The following ZXDC variants were observed in gnomAD, a reference collection of about 807,000 sequenced individuals.
ZXDC encodes the protein zinc finger protein ZXDC.
A neutral mutation model predicts 63.6 loss-of-function variants in ZXDC; 58 were observed. That is an observed-to-expected ratio of 0.91 (90% CI 0.74 to 1.13). The LOEUF (loss-of-function observed/expected upper bound fraction) is 1.13, where lower values mean the gene tolerates loss of function less well. Ranked by LOEUF, ZXDC falls within the 50% of genes most tolerant of loss-of-function variation. ZXDC has a pLI of 0.00. For missense variants in ZXDC, 1,133 were observed against 1,148.9 expected (o/e 0.99, Z 0.20); for synonymous variants, 561 against 496.1 (o/e 1.13, Z -1.74).
Position 126,466,135 on chromosome 3 carries a change from G to C in ZXDC, c.1441+20C>G, listed in dbSNP as rs1293115946. On this transcript the variant is annotated intron_variant, in intron 5 of 9. Coordinates refer to ENST00000389709, the MANE Select transcript of ZXDC (RefSeq NM_025112.5). The stretch of plus-strand genomic sequence containing the variant: ...CTCACAGGGAAGCAGCTCCCCATGG[G>C]GGCCGTGGAAAGTGCAGACCTTGGC... 6.2e-7 allele frequency: 1 copy of C among 1,601,002 alleles called. No individual in the cohort carries two copies. Among genetic ancestry groups the C allele is most frequent in the African/African-American group, 1.3e-5 (1 of 74,296 alleles).
At chr3:126,441,218 C>G in intron 8 of ZXDC, 1 of 985,906 alleles carries the variant, frequency 1.0e-6, no homozygotes, top group African/African-American at 1.7e-5. Flanking sequence ...GTGGCCCGGA[C>G]AGGCTGGGAG....
intron 8 of ZXDC, 170 bp downstream of exon 8, chr3:126,441,595 G>C: frequency 7.4e-7 from 1 of 1,347,634 alleles, no homozygotes; most frequent in South Asian, 2.1e-5. Context: ...GGGAGGAGCT[G>C]GGCTGTGAGG....
At chr3:126,438,536 G>T in intron 9 of ZXDC, 75 bp from the exon 10 acceptor site, 1 of 1,391,272 alleles carries the variant, frequency 7.2e-7, no homozygotes, top group Non-Finnish European at 1.0e-6. Context: ...CACACAGCAG[G>T]ACACTGACCA....
rs1223505555 is a variant in ZXDC, at chr3:126,459,191, A to G, written c.2212+462T>C. 4.1e-6 allele frequency: 4 copies of G among 985,418 alleles called. No homozygotes were observed. In the South Asian group the frequency reaches 1.9e-4, roughly 46 times the overall value. 61.0% of individuals were successfully genotyped at this position (985,418 alleles called of 1,614,324 possible). The stretch of plus-strand genomic sequence containing the variant: ...TTAAAAATGCAAGTAAGTTGCTAAC[A>G]TTTTCAAATAAGATTTCAACATAAC... On this transcript the variant is annotated intron_variant, in intron 7 of 9. Transcript: ENST00000389709.
chr3:126,460,795 C>T lies in ZXDC; in HGVS notation c.2127+740G>A, dbSNP rs569800571. The T allele has an allele frequency of 1.4e-5, 14 of 985,166 alleles. No homozygotes were observed. In the South Asian group the frequency reaches 6.6e-4, roughly 46 times the overall value. 61.0% of individuals were successfully genotyped at this position (985,166 alleles called of 1,614,324 possible). A position where few individuals can be genotyped will look rare whatever the true frequency, so the allele number is the denominator to read the frequency against. On this transcript the variant is annotated intron_variant, in intron 6 of 9. Transcript: ENST00000389709. ...GCTACTATGTGCCTCACAACTGATC[C>T]TACTGCAAAAGATGTAACATTTTTT... is the stretch of plus-strand genomic sequence containing the variant.
At chr3:126,460,666 C>A in intron 6 of ZXDC, 5 of 985,370 alleles carry the variant, frequency 5.1e-6, no homozygotes, top group South Asian at 4.7e-5. Context: ...CAAATGCCGG[C>A]AAGCATGGCT....
chr3:126,446,756 A>G (rs924613725), intron 7 of ZXDC, among the ~76,000 whole-genome samples: 9 of 152,386 alleles, frequency 5.9e-5, no homozygotes, highest in Admixed American at 5.9e-4. Context: ...ATGTTAATAT[A>G]CTTATCCACA....
chr3:126,448,122 A>G (rs905997482), intron 7 of ZXDC, among the ~76,000 whole-genome samples: 4 of 152,224 alleles, frequency 2.6e-5, no homozygotes, highest in African/African-American at 7.2e-5. Flanking sequence ...ATAGATGTAG[A>G]TGTGCTGGGC....
chr3:126,439,763 T>C (rs1414238733), intron 8 of ZXDC, 36 bp from the exon 9 acceptor site: 2 of 1,541,154 alleles, frequency 1.3e-6, no homozygotes, highest in African/African-American at 1.4e-5. Context: ...GTCACATGTC[T>C]GTGAGAGTGC....
chr3:126,461,799 A>C lies in ZXDC; in HGVS notation c.1863T>G (p.Ser621Arg), dbSNP rs1257972516. ...CLVALPMKNL[S>R]DDPLALTSNS... ...TGGAGGTCAAAGCCAGTGGGTCGTC[A>C]CTCAAGTTCTTCATGGGCAGAGCCA... The change falls in exon 6 of 10, where the codon AGT (serine) becomes AGG (arginine). Residue 621 changes from serine (S) to arginine (R), a missense_variant. Transcript: ENST00000389709. 1 of 1,613,896 alleles carries C rather than the reference A, an allele frequency of 6.2e-7. No homozygotes were observed.
intron 7 of ZXDC, chr3:126,459,437 T>A: frequency 1.0e-6 from 1 of 985,496 alleles, no homozygotes; most frequent in Non-Finnish European, 1.2e-6. Flanking sequence ...ACAAAGCTTG[T>A]TTAGGCAAAT....
intron 6 of ZXDC, chr3:126,461,077 C>T (rs1934510640): frequency 1.0e-6 from 1 of 985,576 alleles, no homozygotes; most frequent in South Asian, 4.7e-5. Context: ...CTCATAAACC[C>T]CACCCTTTTT....
In ZXDC at chr3:126,461,723, G is replaced by A. The variant is rs1209338334; in HGVS notation, c.1939C>T (p.Arg647Ter). 7 of 1,613,780 alleles carry A rather than the reference G, an allele frequency of 4.3e-6. No homozygotes were observed. Among genetic ancestry groups the A allele is most frequent in the Non-Finnish European group, 4.2e-6 (5 of 1,179,980 alleles). ...ITTPTSSSTP[R>*]ENASVPELLA... ...AGTTCCGGGACACTGGCATTTTCTC[G>A]GGGGGTGCTCGAAGAGGTCGGTGTG... The change falls in exon 6 of 10, where the codon CGA (arginine) becomes TGA (stop). Residue 647 changes from arginine (R) to a stop codon, truncating the protein, a stop_gained. Transcript: ENST00000389709. LOFTEE classifies it high-confidence loss of function.
chr3:126,457,978 T>C (rs756365201), intron 7 of ZXDC, among the ~76,000 whole-genome samples: 4 of 152,108 alleles, frequency 2.6e-5, no homozygotes, highest in East Asian at 1.9e-4. Flanking sequence ...GAAAGAACAA[T>C]CAGTTTCTTC....
intron 7 of ZXDC, among the ~76,000 whole-genome samples, chr3:126,443,843 A>T (rs1347072065): frequency 1.3e-5 from 2 of 152,230 alleles, no homozygotes; most frequent in African/African-American, 4.8e-5. Flanking sequence ...TGCAAAACAA[A>T]TCAAAACAAA....
At position 126,470,991 on chromosome 3, in the gene ZXDC, C is replaced by A. The variant is rs750586461; in HGVS notation, c.1174G>T (p.Val392Phe). 6.2e-7 allele frequency: 1 copy of A among 1,614,054 alleles called. No individual in the cohort carries two copies. Among genetic ancestry groups the A allele is most frequent in the Non-Finnish European group, 8.5e-7 (1 of 1,180,038 alleles). Reference sequence around the variant, plus strand: ...GTGAATGATTTCCCACAGCCCTCGACAGGGCAGGTAAACCTCCGGTCATCG... The same window carrying A: ...GTGAATGATTTCCCACAGCCCTCGAAAGGGCAGGTAAACCTCCGGTCATCG... Reference protein sequence around the residue: ...HDDDRRFTCPVEGCGKSFTRA... With the variant: ...HDDDRRFTCPFEGCGKSFTRA... Residue 392 changes from valine (V) to phenylalanine (F), a missense_variant, in exon 4 of 10, where the codon GTC becomes TTC. Val to Phe is a conservative substitution (Grantham distance 50). Transcript: ENST00000389709.
At position 126,472,036 on chromosome 3, in the gene ZXDC, A is replaced by G; in HGVS notation, c.1076T>C (p.Ile359Thr). The G allele has an allele frequency of 6.2e-7, 1 of 1,613,836 alleles. No homozygotes were observed. Among genetic ancestry groups the G allele is most frequent in the Non-Finnish European group, 8.5e-7 (1 of 1,179,910 alleles). ...CCAGCCACAGCTGTCAGAGTCACAA[A>G]TAAATGGTCTTTCACCTTATAAAAG... ...LRSHTGERPFICDSDSCGWTF... is the reference protein window; with the variant it reads ...LRSHTGERPFTCDSDSCGWTF... Residue 359 changes from isoleucine to threonine, a missense_variant, in exon 3 of 10, where the codon ATT becomes ACT. Ile to Thr is a moderately conservative substitution (Grantham distance 89). Transcript: ENST00000389709.
Position 126,441,758 on chromosome 3 carries a change from C to T in ZXDC, c.2394+7G>A, listed in dbSNP as rs4679121. On this transcript the variant is annotated splice_region_variant and intron_variant, in intron 8 of 9. Transcript: ENST00000389709. ...ACAGCTGGCCTGTGTGACTGGCCAG[C>T]TCTCACCTGCACCAGCTGGACCTGG... is the stretch of plus-strand genomic sequence containing the variant. The T allele has an allele frequency of 0.11, 177,592 of 1,583,456 alleles. 11,530 individuals carry two copies. Among genetic ancestry groups the T allele is most frequent in the Admixed American group, 0.27 (15,351 of 56,556 alleles).
At chr3:126,457,806 G>A (rs575353780) in intron 7 of ZXDC, 169 of 353,278 alleles carry the variant, frequency 4.8e-4, no homozygotes, top group Non-Finnish European at 6.3e-4. Flanking sequence ...GCCACCAGAG[G>A]CTGGGGGTCT....
Sources: allele counts gnomAD v4.1 joint callset (sites outside exome capture counted in the v4.1 genomes callset), GRCh38; gene constraint gnomAD v4.1.1; transcripts MANE v1.5; gene names NCBI Gene and HGNC (gene_info 2026-07-23, HGNC 2026-07-21).